HSDL2: variants seen among roughly 807,000 people sequenced by gnomAD.
The protein encoded by HSDL2 is hydroxysteroid dehydrogenase like 2.
A neutral mutation model predicts 46.3 loss-of-function variants in HSDL2; 27 were observed. The ratio of observed to expected loss-of-function variants is 0.58; its 90% CI spans 0.43 to 0.80. HSDL2 has a LOEUF of 0.80. Ranked by LOEUF, HSDL2 falls within the 30% of genes least tolerant of loss-of-function variation. The pLI is 0.00. For synonymous variants in HSDL2, 153 were observed against 163.6 expected, an observed-to-expected ratio of 0.94 and a Z score of 0.50; for missense variants, 451 against 502.7, an observed-to-expected ratio of 0.90 and a Z score of 0.98.
intron 10 of HSDL2, among the ~76,000 whole-genome samples, chr9:112,467,677 T>C (rs1287984648): frequency 6.6e-6 from 1 of 152,188 alleles, no homozygotes; most frequent in African/African-American, 2.4e-5. Context: ...GATATGAAGT[T>C]TGTGGGGAAT....
At chr9:112,382,359 C>T (rs1257113323) in intron 1 of HSDL2, among the ~76,000 whole-genome samples, 4 of 152,220 alleles carry the variant, frequency 2.6e-5, no homozygotes, top group African/African-American at 9.6e-5. Context: ...AAATGAGATC[C>T]TCTAATCCCA....
chr9:112,419,978 T>C (rs1832082967), intron 6 of HSDL2, among the ~76,000 whole-genome samples: 1 of 152,216 alleles, frequency 6.6e-6, no homozygotes, highest in Non-Finnish European at 1.5e-5. Flanking sequence ...ACGATAACAT[T>C]TCACTACACA....
chr9:112,457,029 T>C (rs1339128821), intron 9 of HSDL2, among the ~76,000 whole-genome samples: 2 of 152,096 alleles, frequency 1.3e-5, no homozygotes, highest in Non-Finnish European at 2.9e-5. Context: ...GTGCCTGTAG[T>C]CCCAGCTACT....
intron 1 of HSDL2, among the ~76,000 whole-genome samples, chr9:112,398,008 C>G (rs1831498551): frequency 6.6e-6 from 1 of 152,016 alleles, no homozygotes. Flanking sequence ...ATGGAAGTTT[C>G]AAGAACAGGC....
At chr9:112,407,061 G>T (rs1831748558) in intron 3 of HSDL2, among the ~76,000 whole-genome samples, 1 of 152,214 alleles carries the variant, frequency 6.6e-6, no homozygotes, top group African/African-American at 2.4e-5. Context: ...TCCCAATGCA[G>T]AGTGCTGTGG....
chr9:112,405,977 A>C lies in HSDL2; in HGVS notation c.280+255A>C, dbSNP rs141578849. ...GGAGTTTAAGACCAGCCTGGCCAAC[A>C]TGGTGAAACCCCGTCTCTACTAAAA... On this transcript the variant is annotated intron_variant, in intron 3 of 10. Transcript: ENST00000398805. Among the ~76,000 whole-genome samples, 1,385 of 152,184 alleles carry C rather than the reference A, an allele frequency of 9.1e-3. 23 individuals carry two copies. The highest frequency in any genetic ancestry group is 0.031 in the African/African-American group (1,298 of 41,514).
chr9:112,404,950 T>G (rs770209570), intron 2 of HSDL2, among the ~76,000 whole-genome samples: 1 of 152,234 alleles, frequency 6.6e-6, no homozygotes, highest in Non-Finnish European at 1.5e-5. Flanking sequence ...ACATATTAAC[T>G]GACAAAACTA....
chr9:112,441,989 C>T (rs1832647861), intron 8 of HSDL2, among the ~76,000 whole-genome samples: 1 of 151,958 alleles, frequency 6.6e-6, no homozygotes, highest in Admixed American at 6.6e-5. Flanking sequence ...AGGCTGGGCA[C>T]AGTGGCTCAT....
At chr9:112,408,789 G>A in intron 3 of HSDL2, 118 bp from the exon 4 acceptor site, 1 of 555,914 alleles carries the variant, frequency 1.8e-6, no homozygotes, top group Non-Finnish European at 3.2e-6. Flanking sequence ...TGATTGAAAT[G>A]TTAGGTGTGG....
At chr9:112,385,529 G>A (rs550176582) in intron 1 of HSDL2, among the ~76,000 whole-genome samples, 3 of 148,988 alleles carry the variant, frequency 2.0e-5, no homozygotes, top group South Asian at 2.1e-4. Context: ...TTGCACTGTC[G>A]CCCAGGCTGG....
intron 8 of HSDL2, 52 bp downstream of exon 8, chr9:112,441,822 A>T: frequency 1.7e-6 from 2 of 1,165,942 alleles, no homozygotes; most frequent in South Asian, 2.6e-5. Context: ...TAACTTATGT[A>T]TTTCTTCCAA....
Position 112,438,456 on chromosome 9 carries a change from G to A in HSDL2, c.624G>A (p.Met208Ile), listed in dbSNP as rs754760365. ...KTAIHTAAMDMLGGPGIESQC... is the reference protein window; with the variant it reads ...KTAIHTAAMDILGGPGIESQC... ...CCATACACACTGCTGCTATGGATAT[G>A]CTGGGAGGACCTGGTATCGAAAGCC... Residue 208 changes from methionine to isoleucine, a missense_variant, in exon 7 of 11, where the codon ATG (methionine) becomes ATA (isoleucine). Met to Ile is a conservative substitution (Grantham distance 10). Transcript: ENST00000398805. The A allele has an allele frequency of 1.9e-5, 31 of 1,607,272 alleles. No individual in the cohort carries two copies. In the Admixed American group the frequency reaches 4.8e-4, roughly 25 times the overall value.
chr9:112,457,159 G>GA (rs201793178), intron 9 of HSDL2, among the ~76,000 whole-genome samples: 2,241 of 149,540 alleles, frequency 0.015, 44 homozygotes, highest in African/African-American at 0.052. Context: ...AAAAAAGAAA[G>GA]AAAAAAAAAT....
chr9:112,451,748 T>G (rs184489750), intron 8 of HSDL2, among the ~76,000 whole-genome samples: 10 of 150,080 alleles, frequency 6.7e-5, no homozygotes, highest in African/African-American at 2.4e-4. Flanking sequence ...CCTCTTGCAT[T>G]TTTTTTTTTT....
At chr9:112,390,498 A>G (rs1831316229) in intron 1 of HSDL2, among the ~76,000 whole-genome samples, 1 of 152,200 alleles carries the variant, frequency 6.6e-6, no homozygotes, top group Non-Finnish European at 1.5e-5. Flanking sequence ...TCTGTCACCA[A>G]GCTGGAGTGC....
chr9:112,432,136 C>A (rs1403342098), intron 6 of HSDL2, among the ~76,000 whole-genome samples: 2 of 152,160 alleles, frequency 1.3e-5, no homozygotes, highest in African/African-American at 4.8e-5. Flanking sequence ...CCCACCTAGG[C>A]CTCCCAAAGT....
In HSDL2 at chr9:112,408,984, C is replaced by T. The variant is rs1831797351; in HGVS notation, c.358C>T (p.Leu120=). The T allele has an allele frequency of 6.2e-7, 1 of 1,608,992 alleles. No individual in the cohort carries two copies. The highest frequency in any genetic ancestry group is 1.7e-5 in the Admixed American group (1 of 59,526). The change falls in exon 4 of 11, where the codon CTG becomes TTG. Residue 120 remains leucine (L), a synonymous_variant. Coordinates refer to ENST00000398805, the MANE Select transcript of HSDL2 (RefSeq NM_032303.5). ...TLDTPTKRLD[L]MMNVNTRGTY... ...GGACACACCTACCAAGAGATTGGAT[C>T]TGATGATGAACGTGAACACCAGAGG...
At chr9:112,431,031 G>A (rs1193816982) in intron 6 of HSDL2, among the ~76,000 whole-genome samples, 2 of 139,196 alleles carry the variant, frequency 1.4e-5, no homozygotes, top group Non-Finnish European at 3.0e-5. Flanking sequence ...CAGCCTGGGT[G>A]ACAGAGTGAG....
intron 7 of HSDL2, among the ~76,000 whole-genome samples, chr9:112,441,361 TAAGAA>T (rs1378265195): frequency 6.6e-6 from 1 of 152,036 alleles, no homozygotes; most frequent in Non-Finnish European, 1.5e-5. Context: ...GGACGGCAGG[TAAGAA>T]ATAAGTCCTG....
Sources: gnomAD v4.1 joint callset for allele counts (sites outside exome capture counted in the v4.1 genomes callset) on GRCh38, gnomAD v4.1.1 for gene constraint, MANE v1.5 for transcripts, NCBI Gene and HGNC (gene_info 2026-07-23, HGNC 2026-07-21) for gene names.